Variants in MAMDC2 observed in about 807,000 individuals in gnomAD.
MAMDC2 encodes MAM domain-containing protein 2.
Under a neutral mutation model 89.8 loss-of-function variants are expected in MAMDC2, and 57 were observed. That is an observed-to-expected ratio of 0.63 (90% CI 0.51 to 0.79). The LOEUF is 0.79. MAMDC2 is among the 30% of genes least tolerant of loss of function. The pLI, the probability that MAMDC2 is intolerant of heterozygous loss-of-function variation, is 0.00. For missense variants in MAMDC2, 800 were observed against 820.6 expected (o/e 0.97, Z 0.31); for synonymous variants, 313 against 293.4 (o/e 1.07, Z -0.68).
intron 9 of MAMDC2, among the ~76,000 whole-genome samples, chr9:70,148,778 C>G (rs2118438697): frequency 6.7e-6 from 1 of 149,962 alleles, no homozygotes. Context: ...GCCTGTAATC[C>G]CAGCACTTTG....
Position 70,225,997 on chromosome 9 carries a change from G to A in MAMDC2, c.2026G>A (p.Gly676Arg), listed in dbSNP as rs1486939565. ...EMEDTTQQSS[G>R]YSEDLNEIEY ...GGAAGATACAACTCAACAATCATCA[G>A]GATATTCTGAGGACTTAAATGAAAT... Residue 676 changes from glycine (G) to arginine (R), a missense_variant, in exon 14 of 14, where the codon GGA (glycine) becomes AGA (arginine). By Grantham distance (125) the Gly-to-Arg change is moderately radical (BLOSUM62 -2). Transcript: ENST00000377182. The A allele has an allele frequency of 6.3e-7, 1 of 1,588,396 alleles. No individual in the cohort carries two copies. The highest frequency in any genetic ancestry group is 8.6e-7 in the Non-Finnish European group (1 of 1,165,250).
rs139644708 is a variant in MAMDC2, at chr9:70,124,859, C to T, written c.644-1300C>T. 5.0e-4 allele frequency among the ~76,000 whole-genome samples: 76 copies of T among 152,242 alleles called. 1 individual carries two copies. Among genetic ancestry groups the T allele is most frequent in the Admixed American group, 4.2e-3 (64 of 15,294 alleles). On this transcript the variant is annotated intron_variant, in intron 5 of 13. Transcript: ENST00000377182. ...TAGCTAAGACCAGAGGTGCATGCTA[C>T]CATGCCCAGCTAATTTTAAGAAAGC...
intron 11 of MAMDC2, among the ~76,000 whole-genome samples, chr9:70,204,591 G>T (rs867929481): frequency 2.0e-5 from 3 of 151,128 alleles, no homozygotes; most frequent in Non-Finnish European, 4.4e-5. Context: ...CACCCAGTTC[G>T]AGCTTCCCGG....
At chr9:70,162,719 C>T (rs1036651676) in intron 9 of MAMDC2, among the ~76,000 whole-genome samples, 4 of 151,958 alleles carry the variant, frequency 2.6e-5, no homozygotes, top group African/African-American at 9.7e-5. Context: ...CTCGAACTGG[C>T]TGCAATCTGC....
At chr9:70,118,023 A>C (rs2030087067) in intron 5 of MAMDC2, among the ~76,000 whole-genome samples, 1 of 152,202 alleles carries the variant, frequency 6.6e-6, no homozygotes. Context: ...GTAGAACTGG[A>C]ATTTGGCCAG....
At chr9:70,094,145 A>G (rs1827970894) in intron 2 of MAMDC2, among the ~76,000 whole-genome samples, 2 of 152,230 alleles carry the variant, frequency 1.3e-5, no homozygotes, top group Non-Finnish European at 2.9e-5. Flanking sequence ...TGCCAGGCTT[A>G]ATGCTTTGTA....
At chr9:70,090,123 TCACACACA>T (rs56982239) in intron 2 of MAMDC2, among the ~76,000 whole-genome samples, 1 of 148,000 alleles carries the variant, frequency 6.8e-6, no homozygotes, top group Admixed American at 6.8e-5. Context: ...GCCAAGGATG[TCACACACA>T]CACACACACA....
At chr9:70,154,008 G>A (rs1927118) in intron 9 of MAMDC2, 130,359 of 152,180 alleles carry the variant, frequency 0.86, 56,069 homozygotes, top group East Asian at 0.96. Flanking sequence ...TAAGGTTGAC[G>A]TTAAAGAATC....
chr9:70,055,524 G>A (rs763601864), intron 2 of MAMDC2, among the ~76,000 whole-genome samples: 5 of 152,128 alleles, frequency 3.3e-5, no homozygotes, highest in Non-Finnish European at 7.4e-5. Context: ...CTTGCAAGTT[G>A]TACGCTTCTC....
intron 2 of MAMDC2, chr9:70,083,474 A>G (rs957530754): frequency 2.6e-5 from 4 of 152,092 alleles, no homozygotes; most frequent in African/African-American, 9.7e-5. Flanking sequence ...CATGGATATA[A>G]TATGTCTCCT....
At chr9:70,160,993 T>G (rs1026261567) in intron 9 of MAMDC2, among the ~76,000 whole-genome samples, 1 of 152,130 alleles carries the variant, frequency 6.6e-6, no homozygotes, top group African/African-American at 2.4e-5. Flanking sequence ...GGCTGTATAA[T>G]GAAATACATT....
chr9:70,083,797 T>C (rs1442008693), intron 2 of MAMDC2: 1 of 152,016 alleles, frequency 6.6e-6, no homozygotes, highest in Non-Finnish European at 1.5e-5. Context: ...GTACTTTAAG[T>C]TTATACATAT....
At chr9:70,061,956 T>C (rs1827159712) in intron 2 of MAMDC2, among the ~76,000 whole-genome samples, 1 of 151,642 alleles carries the variant, frequency 6.6e-6, no homozygotes, top group Admixed American at 6.6e-5. Flanking sequence ...AAGATGTTGA[T>C]TCAGCTGTAA....
intron 11 of MAMDC2, among the ~76,000 whole-genome samples, chr9:70,210,887 G>A (rs1256121471): frequency 3.3e-5 from 5 of 152,168 alleles, no homozygotes. Context: ...CTTCACTTAT[G>A]AAGCTTAGTT....
At chr9:70,118,887 C>T (rs1353687752) in intron 5 of MAMDC2, among the ~76,000 whole-genome samples, 1 of 152,096 alleles carries the variant, frequency 6.6e-6, no homozygotes, top group Non-Finnish European at 1.5e-5. Context: ...ATGAGTTTTC[C>T]TTCATTTCCT....
chr9:70,185,919 C>T (rs1244326829), intron 11 of MAMDC2, among the ~76,000 whole-genome samples: 1 of 152,172 alleles, frequency 6.6e-6, no homozygotes, highest in Non-Finnish European at 1.5e-5. Context: ...CTAGGCACCA[C>T]TCAGTTGGAA....
At chr9:70,056,768 T>C (rs1354569069) in intron 2 of MAMDC2, among the ~76,000 whole-genome samples, 1 of 152,144 alleles carries the variant, frequency 6.6e-6, no homozygotes, top group Non-Finnish European at 1.5e-5. Context: ...GCTTCATCTG[T>C]ATTTACAGCC....
intron 2 of MAMDC2, among the ~76,000 whole-genome samples, chr9:70,080,452 G>A (rs1359153448): frequency 1.3e-5 from 2 of 152,128 alleles, no homozygotes; most frequent in African/African-American, 4.8e-5. Flanking sequence ...TTAAATAGTT[G>A]CCTAACAGTC....
intron 11 of MAMDC2, among the ~76,000 whole-genome samples, chr9:70,198,163 T>TAC (rs200225021): frequency 0.33 from 18,723 of 56,766 alleles, 1,358 homozygotes; most frequent in East Asian, 0.46. Flanking sequence ...TATGTGTGTA[T>TAC]ATATATATAT....
Sources: allele counts gnomAD v4.1 joint callset (sites outside exome capture counted in the v4.1 genomes callset), GRCh38; gene constraint gnomAD v4.1.1; transcripts MANE v1.5; gene names NCBI Gene and HGNC (gene_info 2026-07-23, HGNC 2026-07-21).